The following WDR70 variants were observed in gnomAD, a reference collection of about 807,000 sequenced individuals.
WDR70 encodes the protein WD repeat-containing protein 70.
Under a neutral mutation model 88.6 loss-of-function variants are expected in WDR70, and 53 were observed. The ratio of observed to expected loss-of-function variants is 0.60; its 90% confidence interval spans 0.48 to 0.75. The LOEUF (loss-of-function observed/expected upper bound fraction) is 0.75. Ranked by LOEUF, WDR70 falls within the 30% of genes least tolerant of loss-of-function variation. The pLI is 0.00. For missense variants in WDR70, 610 were observed against 823.2 expected (o/e 0.74, Z 3.17); for synonymous variants, 280 against 270.0 (o/e 1.04, Z -0.36).
intron 9 of WDR70, among the ~76,000 whole-genome samples, chr5:37,572,533 C>T (rs1263496890): frequency 2.0e-5 from 3 of 152,014 alleles, no homozygotes; most frequent in African/African-American, 7.3e-5. Context: ...TCAGTGTATC[C>T]GTCAGAGGAG....
chr5:37,568,959 A>T (rs1001395850), intron 9 of WDR70, among the ~76,000 whole-genome samples: 4 of 152,120 alleles, frequency 2.6e-5, no homozygotes, highest in Admixed American at 1.3e-4. Flanking sequence ...AACCTACATG[A>T]GAATAGGTTG....
chr5:37,471,226 C>T (rs544202054), intron 7 of WDR70, among the ~76,000 whole-genome samples: 1 of 152,144 alleles, frequency 6.6e-6, no homozygotes, highest in South Asian at 2.1e-4. Context: ...TTGTACCAAT[C>T]TACCCTCCTA....
At chr5:37,442,221 G>C (rs913254279) in intron 6 of WDR70, among the ~76,000 whole-genome samples, 17 of 151,760 alleles carry the variant, frequency 1.1e-4, no homozygotes, top group Non-Finnish European at 2.9e-5. Flanking sequence ...ATTTTTAGTA[G>C]AGATGGGGTT....
intron 5 of WDR70, among the ~76,000 whole-genome samples, chr5:37,431,280 G>A (rs1384299440): frequency 6.6e-6 from 1 of 152,192 alleles, no homozygotes; most frequent in East Asian, 1.9e-4. Context: ...TTATTGAATA[G>A]TTAATTATAA....
chr5:37,549,492 G>A lies in WDR70; in HGVS notation c.917+32902G>A, dbSNP rs186561483. 3.1e-3 allele frequency among the ~76,000 whole-genome samples: 476 copies of A among 152,162 alleles called. 1 individual carries two copies. The highest frequency in any genetic ancestry group is 0.011 in the African/African-American group (448 of 41,538). Reference sequence around the variant, plus strand: ...TTTTTTTATGTTGATTTTGTATTCTGTAACTTTACTGAAGTTGTTTATCAG... The same window carrying A: ...TTTTTTTATGTTGATTTTGTATTCTATAACTTTACTGAAGTTGTTTATCAG... On this transcript the variant is annotated intron_variant, in intron 9 of 17. Coordinates refer to ENST00000265107, the MANE Select transcript of WDR70 (RefSeq NM_018034.4).
At chr5:37,716,522 T>C (rs940678481) in intron 13 of WDR70, among the ~76,000 whole-genome samples, 4 of 152,170 alleles carry the variant, frequency 2.6e-5, no homozygotes, top group Admixed American at 2.0e-4. Flanking sequence ...AGTAAGGGAA[T>C]GAACAGTGGA....
chr5:37,702,084 T>C (rs1747180363), intron 12 of WDR70, among the ~76,000 whole-genome samples: 3 of 152,150 alleles, frequency 2.0e-5, no homozygotes, highest in Non-Finnish European at 4.4e-5. Context: ...AATGAAATAA[T>C]GGTCAACAGA....
intron 5 of WDR70, among the ~76,000 whole-genome samples, chr5:37,435,418 C>T (rs1750437722): frequency 6.6e-6 from 1 of 152,104 alleles, no homozygotes; most frequent in African/African-American, 2.4e-5. Flanking sequence ...AGTAGTGACT[C>T]AGATTATTCA....
At chr5:37,708,423 A>G (rs2112672661) in intron 13 of WDR70, among the ~76,000 whole-genome samples, 1 of 152,090 alleles carries the variant, frequency 6.6e-6, no homozygotes, top group East Asian at 1.9e-4. Flanking sequence ...ATATAAAATT[A>G]TACATAACAT....
In WDR70 at chr5:37,752,618, G is replaced by A. The variant is rs1748848246; in HGVS notation, c.*45G>A. ...GTTTGCATGAGTGGGAGGGGTATGG[G>A]ACAGGTTTGGGTTTTTTTTTTATGC... On this transcript the variant is annotated 3_prime_UTR_variant, in exon 18 of 18. Transcript: ENST00000265107. The A allele has an allele frequency of 5.0e-6, 7 of 1,407,346 alleles. No individual in the cohort carries two copies. The highest frequency in any genetic ancestry group is 1.5e-5 in the African/African-American group (1 of 68,630). 87.2% of individuals were successfully genotyped at this position (1,407,346 alleles called of 1,614,324 possible).
intron 5 of WDR70, among the ~76,000 whole-genome samples, chr5:37,424,622 C>G (rs1750065667): frequency 2.0e-5 from 3 of 152,068 alleles, no homozygotes; most frequent in Non-Finnish European, 4.4e-5. Context: ...GTTGCCCAAG[C>G]TGGACTTGGA....
At chr5:37,693,475 A>G (rs1186523767) in intron 10 of WDR70, among the ~76,000 whole-genome samples, 3 of 152,250 alleles carry the variant, frequency 2.0e-5, no homozygotes, top group African/African-American at 7.2e-5. Flanking sequence ...ACAAGGTTAC[A>G]GTAACCAAAA....
intron 10 of WDR70, among the ~76,000 whole-genome samples, chr5:37,678,852 G>C (rs1467004514): frequency 6.6e-6 from 1 of 152,006 alleles, no homozygotes; most frequent in Non-Finnish European, 1.5e-5. Flanking sequence ...CATTCTCCCC[G>C]TCACTTTCAG....
intron 13 of WDR70, among the ~76,000 whole-genome samples, chr5:37,713,941 T>C (rs961269448): frequency 6.6e-6 from 1 of 152,208 alleles, no homozygotes; most frequent in African/African-American, 2.4e-5. Flanking sequence ...TTCACAATTA[T>C]ATATAGTGTG....
At chr5:37,585,634 T>C (rs1345553478) in intron 9 of WDR70, among the ~76,000 whole-genome samples, 1 of 152,198 alleles carries the variant, frequency 6.6e-6, no homozygotes, top group Non-Finnish European at 1.5e-5. Flanking sequence ...TCTCCATTTA[T>C]GTGAAAAATA....
chr5:37,543,087 T>C (rs1741878509), intron 9 of WDR70, among the ~76,000 whole-genome samples: 1 of 152,164 alleles, frequency 6.6e-6, no homozygotes, highest in African/African-American at 2.4e-5. Flanking sequence ...AAAGAGTTGG[T>C]AGAAGAAAGG....
intron 8 of WDR70, among the ~76,000 whole-genome samples, chr5:37,503,305 G>A (rs948406373): frequency 5.3e-5 from 8 of 151,860 alleles, no homozygotes; most frequent in Non-Finnish European, 1.0e-4. Flanking sequence ...AGGATGTGCA[G>A]GTTTGTTACA....
At chr5:37,399,074 C>T (rs993619072) in intron 5 of WDR70, among the ~76,000 whole-genome samples, 8 of 152,222 alleles carry the variant, frequency 5.3e-5, no homozygotes, top group Non-Finnish European at 7.4e-5. Flanking sequence ...GTCAGGAGGT[C>T]GAGACCATCC....
intron 7 of WDR70, among the ~76,000 whole-genome samples, chr5:37,470,051 A>T (rs1739277275): frequency 6.6e-6 from 1 of 152,116 alleles, no homozygotes. Context: ...ATTTATACAC[A>T]TTGGCAATGG....
Sources: gnomAD v4.1 joint callset for allele counts (sites outside exome capture counted in the v4.1 genomes callset) on GRCh38, gnomAD v4.1.1 for gene constraint, MANE v1.5 for transcripts, NCBI Gene and HGNC (gene_info 2026-07-23, HGNC 2026-07-21) for gene names.